RARB: variants seen among roughly 807,000 people sequenced by gnomAD.
RARB encodes retinoic acid receptor beta.
A neutral mutation model predicts 51.9 loss-of-function variants in RARB; 17 were observed. The ratio of observed to expected loss-of-function variants is 0.33; its 90% confidence interval spans 0.22 to 0.49. The LOEUF (loss-of-function observed/expected upper bound fraction) is 0.49. Among genes scored for constraint, RARB ranks in the 20% least tolerant of loss-of-function variants. RARB has a pLI of 0.99. For missense variants in RARB, 369 were observed against 550.8 expected, an observed-to-expected ratio of 0.67 and a Z score of 3.30; for synonymous variants, 215 against 195.4, an observed-to-expected ratio of 1.10 and a Z score of -0.84.
At chr3:25,461,447 C>T in intron 2 of RARB, 106 bp downstream of exon 2, 1 of 1,285,280 alleles carries the variant, frequency 7.8e-7, no homozygotes, top group South Asian at 1.5e-5. Context: ...CATCACCTCC[C>T]ATAAGTGTGG....
chr3:25,441,327 A>T, intron 1 of RARB: 1 of 376,728 alleles, frequency 2.7e-6, no homozygotes, highest in Non-Finnish European at 5.2e-6. Context: ...TTCTTGCACC[A>T]CATATTGGAA....
chr3:25,362,923 C>T (rs916054179), intron 5 of RARB, among the ~76,000 whole-genome samples: 1 of 152,152 alleles, frequency 6.6e-6, no homozygotes, highest in Non-Finnish European at 1.5e-5. Context: ...ATTCAGCCAT[C>T]TTGCCCAGGA....
chr3:25,165,036 T>C (rs1318626151), intron 4 of RARB, among the ~76,000 whole-genome samples: 1 of 152,144 alleles, frequency 6.6e-6, no homozygotes, highest in Non-Finnish European at 1.5e-5. Context: ...AGTTAAGTAC[T>C]GAGTTAGTAT....
intron 5 of RARB, among the ~76,000 whole-genome samples, chr3:25,265,143 C>T (rs567860629): frequency 1.3e-5 from 2 of 152,242 alleles, no homozygotes; most frequent in African/African-American, 2.4e-5. Context: ...CAGTTTATGG[C>T]ATTTTGTTAT....
intron 2 of RARB, among the ~76,000 whole-genome samples, chr3:24,954,650 G>A (rs1169281905): frequency 6.6e-6 from 1 of 152,142 alleles, no homozygotes; most frequent in Non-Finnish European, 1.5e-5. Context: ...AGGTGTGAGA[G>A]ACAATAGAGA....
At chr3:25,403,886 TAAAAAA>T (rs546197894) in intron 5 of RARB, among the ~76,000 whole-genome samples, 25 of 88,370 alleles carry the variant, frequency 2.8e-4, no homozygotes, top group African/African-American at 1.2e-3. Flanking sequence ...TTTCTTTTTC[TAAAAAA>T]AAAAAAAAAA....
At chr3:25,575,506 G>C (rs1700889777) in intron 4 of RARB, among the ~76,000 whole-genome samples, 1 of 152,162 alleles carries the variant, frequency 6.6e-6, no homozygotes, top group Admixed American at 6.5e-5. Flanking sequence ...GCATGGCCAC[G>C]CTGTCTCTGA....
At chr3:25,566,108 T>C (rs1013153912) in intron 3 of RARB, among the ~76,000 whole-genome samples, 2 of 152,194 alleles carry the variant, frequency 1.3e-5, no homozygotes, top group Non-Finnish European at 2.9e-5. Context: ...TAGGCCCCCG[T>C]GGCTTCTTGT....
intron 2 of RARB, among the ~76,000 whole-genome samples, chr3:24,954,457 G>C (rs574934517): frequency 6.6e-6 from 1 of 152,170 alleles, no homozygotes; most frequent in Non-Finnish European, 1.5e-5. Context: ...AGAAGTCAAG[G>C]TCTGAGTCCT....
intron 5 of RARB, among the ~76,000 whole-genome samples, chr3:25,313,515 C>A (rs547591418): frequency 1.3e-5 from 2 of 152,138 alleles, no homozygotes; most frequent in Non-Finnish European, 1.5e-5. Flanking sequence ...TGCCTGGTTC[C>A]CTGGCCCTTC....
chr3:25,318,533 T>C (rs907979664), intron 5 of RARB, among the ~76,000 whole-genome samples: 1 of 152,168 alleles, frequency 6.6e-6, no homozygotes, highest in Admixed American at 6.5e-5. Flanking sequence ...GGCCAGTTCA[T>C]AATATTCTGC....
At chr3:25,399,307 T>A (rs1341139225) in intron 5 of RARB, among the ~76,000 whole-genome samples, 2 of 152,216 alleles carry the variant, frequency 1.3e-5, no homozygotes, top group Non-Finnish European at 2.9e-5. Flanking sequence ...ATCTTTATTT[T>A]CTTCAGTGTA....
At chr3:24,849,916 T>G (rs777892671) in intron 1 of RARB, among the ~76,000 whole-genome samples, 84 of 152,244 alleles carry the variant, frequency 5.5e-4, no homozygotes, top group Non-Finnish European at 8.5e-4. Flanking sequence ...AAAGTTTCAT[T>G]GAAGCAGAGT....
At chr3:25,455,567 G>A (rs1694864237) in intron 1 of RARB, among the ~76,000 whole-genome samples, 1 of 152,198 alleles carries the variant, frequency 6.6e-6, no homozygotes, top group Non-Finnish European at 1.5e-5. Context: ...ATAGGGGCTA[G>A]CAGCTTCCGA....
chr3:25,550,887 G>A (rs1699823190), intron 3 of RARB, among the ~76,000 whole-genome samples: 1 of 152,078 alleles, frequency 6.6e-6, no homozygotes, highest in African/African-American at 2.4e-5. Context: ...ATGGCTTTCA[G>A]CTCTATCCAT....
In RARB at chr3:25,064,203, T is replaced by A. The variant is rs372031590; in HGVS notation, c.-328+4027T>A. On this transcript the variant is annotated intron_variant, in intron 3 of 11. Transcript: ENST00000383772. ...AGAACTGGAGTTTTAGATTTCATTA[T>A]AAGATTGCCATCTCAACAAAATAGT... 3.4e-4 allele frequency among the ~76,000 whole-genome samples: 52 copies of A among 152,260 alleles called. 1 individual carries two copies. The South Asian group carries it at 0.01, about 30-fold the overall frequency.
At chr3:25,159,263 C>T (rs368143668) in intron 4 of RARB, among the ~76,000 whole-genome samples, 6 of 150,080 alleles carry the variant, frequency 4.0e-5, no homozygotes, top group South Asian at 4.2e-4. Context: ...TCCCCCTCCC[C>T]GGTTCAAGCA....
In RARB at chr3:25,569,891, A is replaced by G. The variant is rs922031826; in HGVS notation, c.582A>G (p.Ser194=). Reference sequence around the variant, plus strand: ...AAGCTCACCAGGAAACTTTCCCTTCACTCTGCCAGCTGGGTAAATACACCA... The same window carrying G: ...AAGCTCACCAGGAAACTTTCCCTTCGCTCTGCCAGCTGGGTAAATACACCA... ...IRKAHQETFP[S]LCQLGKYTTN... The change falls in exon 4 of 8, where the codon TCA becomes TCG. Residue 194 remains serine, a synonymous_variant. Coordinates refer to ENST00000330688, the MANE Select transcript of RARB (RefSeq NM_000965.5). 2 of 1,613,738 alleles carry G rather than the reference A, an allele frequency of 1.2e-6. No homozygotes were observed. Among genetic ancestry groups the G allele is most frequent in the Middle Eastern group, 1.6e-4 (1 of 6,062 alleles).
intron 2 of RARB, among the ~76,000 whole-genome samples, chr3:25,496,498 G>A (rs1472570947): frequency 6.6e-6 from 1 of 152,202 alleles, no homozygotes; most frequent in African/African-American, 2.4e-5. Context: ...CGGCAAGGAA[G>A]GTGGCACACT....
Sources: gnomAD v4.1 joint callset for allele counts (sites outside exome capture counted in the v4.1 genomes callset) on GRCh38, gnomAD v4.1.1 for gene constraint, MANE v1.5 for transcripts, NCBI Gene and HGNC (gene_info 2026-07-23, HGNC 2026-07-21) for gene names.